ZNF367: variants seen among roughly 807,000 people sequenced by gnomAD.
ZNF367 encodes the protein C2H2 zinc finger protein ZFF29.
A neutral mutation model predicts 31.8 loss-of-function variants in ZNF367; 11 were observed. The observed-to-expected ratio is 0.35, with a 90% CI of 0.22 to 0.57. ZNF367 has a LOEUF of 0.57. Ranked by LOEUF, ZNF367 falls within the 20% of genes least tolerant of loss-of-function variation. The pLI is 0.85. For synonymous variants in ZNF367, 199 were observed against 202.4 expected, an observed-to-expected ratio of 0.98 and a Z score of 0.14; for missense variants, 353 against 484.1, an observed-to-expected ratio of 0.73 and a Z score of 2.54.
intron 1 of ZNF367, among the ~76,000 whole-genome samples, chr9:96,407,001 CAAAAAAAAAAAAAAA>C (rs71368256): frequency 5.6e-5 from 2 of 35,874 alleles, no homozygotes; most frequent in East Asian, 1.3e-3. Context: ...GACTCCATCT[CAAAAAAAAAAAAAAA>C]AAAAAAAAAA....
chr9:96,394,696 G>A, intron 3 of ZNF367, 127 bp downstream of exon 3: 2 of 911,210 alleles, frequency 2.2e-6, no homozygotes, highest in East Asian at 2.9e-5. Flanking sequence ...TATCAAAGAA[G>A]AAAGCTTATA....
Position 96,402,444 on chromosome 9 carries a change from C to CTTTTTT in ZNF367, c.421-4136_421-4131dup, listed in dbSNP as rs1174997133. Among the ~76,000 whole-genome samples the CTTTTTT allele has an allele frequency of 6.4e-4, 42 of 66,084 alleles. 1 individual carries two copies. Among genetic ancestry groups the CTTTTTT allele is most frequent in the African/African-American group, 8.1e-4 (12 of 14,728 alleles). The allele number at this position is 66,084 out of a possible 152,430, so 43.4% of individuals were successfully genotyped here. ...CCCTACTTCCTTTACTTCTTTCTTT[C>CTTTTTT]TTTTTTTTTTTTTTTTTTTTTTTTT... On this transcript the variant is annotated intron_variant, in intron 1 of 4. Transcript: ENST00000375256.
intron 1 of ZNF367, among the ~76,000 whole-genome samples, chr9:96,413,780 G>A (rs925935381): frequency 6.6e-6 from 1 of 152,138 alleles, no homozygotes; most frequent in Non-Finnish European, 1.5e-5. Context: ...GCAGTGTTGG[G>A]CAGGAACAAT....
chr9:96,394,823 C>A lies in ZNF367; in HGVS notation c.691G>T (p.Gly231Cys). 6.2e-7 allele frequency: 1 copy of A among 1,613,480 alleles called. No individual in the cohort carries two copies. The highest frequency in any genetic ancestry group is 1.1e-5 in the South Asian group (1 of 90,986). The change falls in exon 3 of 5, where the codon GGC (glycine) becomes TGC (cysteine). Residue 231 changes from glycine to cysteine, a missense_variant and splice_region_variant. Physicochemically the swap from Gly to Cys is radical, Grantham distance 159 (BLOSUM62 -3). Around this residue, in one of 5 missense-constraint regions of ZNF367, gnomAD observed 57 missense variants for 141.9 expected, o/e 0.40. Coordinates refer to ENST00000375256, the MANE Select transcript of ZNF367 (RefSeq NM_153695.4). Reference protein sequence around the residue: ...GEKPFVCSENGCLSRFTHANR... With the variant: ...GEKPFVCSENCCLSRFTHANR... Reference sequence around the variant, plus strand: ...ATAAACTTAACTTCTAACACCGTACCATTTTCTGAACAAACAAAAGGTTTC... The same window carrying A: ...ATAAACTTAACTTCTAACACCGTACAATTTTCTGAACAAACAAAAGGTTTC...
At chr9:96,413,061 C>G (rs557855569) in intron 1 of ZNF367, among the ~76,000 whole-genome samples, 16 of 152,136 alleles carry the variant, frequency 1.1e-4, no homozygotes, top group Non-Finnish European at 1.9e-4. Flanking sequence ...AAATAAACCC[C>G]TGAAGTCTAT....
intron 3 of ZNF367, among the ~76,000 whole-genome samples, chr9:96,392,827 G>A (rs995283123): frequency 1.3e-5 from 2 of 152,222 alleles, no homozygotes; most frequent in Middle Eastern, 3.2e-3. Flanking sequence ...GCTCACGCCT[G>A]TAATCCCAGC....
intron 1 of ZNF367, among the ~76,000 whole-genome samples, chr9:96,406,265 A>G (rs530267487): frequency 3.3e-5 from 5 of 152,362 alleles, no homozygotes; most frequent in African/African-American, 9.6e-5. Context: ...AGGGCTTTCA[A>G]TATCAAAACT....
At position 96,388,342 on chromosome 9, in the gene ZNF367, C is replaced by G; in HGVS notation, c.948G>C (p.Glu316Asp). The G allele has an allele frequency of 6.2e-7, 1 of 1,613,136 alleles. No homozygotes were observed. The highest frequency in any genetic ancestry group is 1.7e-5 in the Admixed American group (1 of 60,028). ...EYLQSDEEDD[E>D]KRGAQRRLQE... is the part of the protein sequence containing the mutation. ...GCAGCCGGCGCTGGGCCCCTCTCTT[C>G]TCGTCGTCCTCTTCATCAGACTGAA... Residue 316 changes from glutamate to aspartate, a missense_variant, in exon 5 of 5, where the codon GAG becomes GAC. Transcript: ENST00000375256.
chr9:96,397,760 G>T (rs1831549413), intron 2 of ZNF367, among the ~76,000 whole-genome samples: 1 of 152,152 alleles, frequency 6.6e-6, no homozygotes, highest in South Asian at 2.1e-4. Context: ...CAACTAAAAA[G>T]TTAATTTATT....
chr9:96,391,843 AT>A (rs1831476873), intron 4 of ZNF367, among the ~76,000 whole-genome samples: 1 of 152,130 alleles, frequency 6.6e-6, no homozygotes, highest in Non-Finnish European at 1.5e-5. Context: ...CAGTGGGGCC[AT>A]CTTGGCTCAC....
rs548026046 is a variant in ZNF367 at position 96,386,854 on chromosome 9, A to G, written c.*1383T>C. 6.6e-6 allele frequency: 1 copy of G among 152,280 alleles called. No individual in the cohort carries two copies. The highest frequency in any genetic ancestry group is 1.9e-4 in the East Asian group (1 of 5,186). The allele number at this position is 152,280 out of a possible 1,614,324, so 9.4% of individuals were successfully genotyped here. On this transcript the variant is annotated 3_prime_UTR_variant, in exon 5 of 5. Coordinates refer to ENST00000375256, the MANE Select transcript of ZNF367 (RefSeq NM_153695.4). ...CATCTGTAGGAACGTCTTCAACTCA[A>G]AAAAGCTAAAAAGGCACTGAAGAGC...
chr9:96,389,159 G>C (rs535557454), intron 4 of ZNF367, among the ~76,000 whole-genome samples: 9 of 152,098 alleles, frequency 5.9e-5, no homozygotes, highest in African/African-American at 2.2e-4. Context: ...AATTTGCCGG[G>C]CATGGTGGCA....
At chr9:96,414,984 TTA>T (rs1295559277) in intron 1 of ZNF367, among the ~76,000 whole-genome samples, 1 of 152,166 alleles carries the variant, frequency 6.6e-6, no homozygotes, top group East Asian at 1.9e-4. Flanking sequence ...ATAATCTAAT[TTA>T]GTGTTTTTTT....
intron 1 of ZNF367, among the ~76,000 whole-genome samples, chr9:96,410,671 C>T (rs1267732715): frequency 1.4e-5 from 2 of 146,224 alleles, no homozygotes; most frequent in Non-Finnish European, 3.0e-5. Flanking sequence ...GTCAACAGAT[C>T]GAGACCATCC....
chr9:96,394,606 C>A (rs1046335688), intron 3 of ZNF367, among the ~76,000 whole-genome samples: 1 of 152,106 alleles, frequency 6.6e-6, no homozygotes, highest in Admixed American at 6.5e-5. Context: ...AATATGTATA[C>A]GTACTGTGTA....
At chr9:96,406,269 C>A (rs1215038580) in intron 1 of ZNF367, among the ~76,000 whole-genome samples, 2 of 152,138 alleles carry the variant, frequency 1.3e-5, no homozygotes, top group Non-Finnish European at 2.9e-5. Flanking sequence ...CTTTCAATAT[C>A]AAAACTCAAA....
chr9:96,400,666 A>AGAAG (rs556672299), intron 1 of ZNF367, among the ~76,000 whole-genome samples: 15 of 152,170 alleles, frequency 9.9e-5, no homozygotes, highest in Non-Finnish European at 1.9e-4. Flanking sequence ...GAAAGAAAAA[A>AGAAG]GAAGGAAGGG....
chr9:96,411,087 C>T (rs1279508725), intron 1 of ZNF367, among the ~76,000 whole-genome samples: 1 of 150,690 alleles, frequency 6.6e-6, no homozygotes, highest in African/African-American at 2.4e-5. Flanking sequence ...TGGTCCCATA[C>T]TCAGGAGGAT....
chr9:96,399,803 G>A (rs533761047), intron 1 of ZNF367, among the ~76,000 whole-genome samples: 1 of 152,244 alleles, frequency 6.6e-6, no homozygotes, highest in African/African-American at 2.4e-5. Flanking sequence ...GGGTGACAGA[G>A]CAAGACTCCA....
Sources: allele counts gnomAD v4.1 joint callset (sites outside exome capture counted in the v4.1 genomes callset), GRCh38; gene constraint gnomAD v4.1.1; regional missense constraint gnomAD v4.1.1; transcripts MANE v1.5; gene names NCBI Gene and HGNC (gene_info 2026-07-23, HGNC 2026-07-21).